ZDHHC14: variants seen among roughly 807,000 people sequenced by gnomAD.
The protein encoded by ZDHHC14 is zDHHC palmitoyltransferase 14, also known as palmitoyltransferase ZDHHC14.
In ZDHHC14, 16 loss-of-function variants were observed where a neutral mutation model predicts 47.7. That is an observed-to-expected ratio of 0.34 (90% CI 0.23 to 0.51). ZDHHC14 has a LOEUF of 0.51. Ranked by LOEUF, ZDHHC14 falls within the 20% of genes least tolerant of loss-of-function variation. The probability of loss-of-function intolerance (pLI) is 0.97; values close to 1 mark genes in which losing one functional copy is unlikely to be tolerated. For missense variants in ZDHHC14, 515 were observed against 662.5 expected (o/e 0.78, Z 2.44); for synonymous variants, 293 against 278.9 (o/e 1.05, Z -0.50).
At position 157,636,557 on chromosome 6, in the gene ZDHHC14, G is replaced by C. The variant is rs959026921; in HGVS notation, c.752+3675G>C. ...TTGGTCTTGTGGCACCTACATTATG[G>C]ACCCGAGGTCCTGCTGGGCTCCTGC... On this transcript the variant is annotated intron_variant, in intron 5 of 8. Transcript: ENST00000359775. 2.6e-5 allele frequency among the ~76,000 whole-genome samples: 4 copies of C among 152,064 alleles called. No homozygotes were observed. The East Asian group carries it at 7.8e-4, about 29-fold the overall frequency.
intron 8 of ZDHHC14, among the ~76,000 whole-genome samples, chr6:157,661,569 C>T (rs918686999): frequency 1.4e-4 from 22 of 152,206 alleles, no homozygotes; most frequent in African/African-American, 3.9e-4. Context: ...TTGCAAATAG[C>T]TTATGCAGTG....
At chr6:157,485,612 C>A (rs991522146) in intron 1 of ZDHHC14, among the ~76,000 whole-genome samples, 3 of 151,766 alleles carry the variant, frequency 2.0e-5, no homozygotes, top group African/African-American at 4.8e-5. Flanking sequence ...GTGACTGACT[C>A]TTAAAAGGCT....
At chr6:157,550,447 G>A (rs554813966) in intron 2 of ZDHHC14, among the ~76,000 whole-genome samples, 4 of 137,726 alleles carry the variant, frequency 2.9e-5, no homozygotes, top group East Asian at 3.9e-4. Context: ...GCTCTAGAGA[G>A]ACCACGGCAT....
intron 2 of ZDHHC14, among the ~76,000 whole-genome samples, chr6:157,548,645 T>C (rs1782087879): frequency 6.6e-6 from 1 of 152,178 alleles, no homozygotes; most frequent in Admixed American, 6.5e-5. Flanking sequence ...GGGGTTTCTC[T>C]GTGTTGGTCA....
intron 1 of ZDHHC14, among the ~76,000 whole-genome samples, chr6:157,477,237 G>C (rs1779510639): frequency 6.6e-6 from 1 of 152,186 alleles, no homozygotes; most frequent in Non-Finnish European, 1.5e-5. Context: ...AAAATTAGCT[G>C]GGCGTGGTGG....
chr6:157,405,041 C>T (rs1278372678), intron 1 of ZDHHC14, among the ~76,000 whole-genome samples: 1 of 152,136 alleles, frequency 6.6e-6, no homozygotes, highest in Non-Finnish European at 1.5e-5. Flanking sequence ...TGGATTTCAA[C>T]CTCAGTGGGT....
chr6:157,382,171 C>T lies in ZDHHC14; in HGVS notation c.150C>T (p.Phe50=), dbSNP rs527404653. The T allele has an allele frequency of 8.1e-6, 13 of 1,613,900 alleles. No homozygotes were observed. In the African/African-American group the frequency reaches 1.5e-4, roughly 18 times the overall value. Residue 50 remains phenylalanine (F), a synonymous_variant, in exon 1 of 9, where the codon TTC becomes TTT. Coordinates refer to ENST00000359775, the MANE Select transcript of ZDHHC14 (RefSeq NM_024630.3). ...WEVFPGRNKF[F]CNGRIMMARQ... ...TGTTCCCGGGAAGAAACAAGTTCTTCTGTAACGGGAGGATCATGATGGCCC... is the reference window on the plus strand; with the variant it reads ...TGTTCCCGGGAAGAAACAAGTTCTTTTGTAACGGGAGGATCATGATGGCCC...
chr6:157,565,839 C>T (rs368086211), intron 2 of ZDHHC14, among the ~76,000 whole-genome samples: 39 of 152,054 alleles, frequency 2.6e-4, no homozygotes, highest in Middle Eastern at 6.8e-3. Context: ...CAGAGAAACC[C>T]CTGTCCAGAA....
chr6:157,659,367 C>T (rs113350674), intron 8 of ZDHHC14, among the ~76,000 whole-genome samples: 3 of 152,216 alleles, frequency 2.0e-5, no homozygotes, highest in African/African-American at 4.8e-5. Flanking sequence ...CTCCGGGCCC[C>T]GCACTGTTGC....
intron 2 of ZDHHC14, among the ~76,000 whole-genome samples, chr6:157,546,634 T>A (rs1196178239): frequency 6.6e-6 from 1 of 151,982 alleles, no homozygotes; most frequent in Non-Finnish European, 1.5e-5. Context: ...GAAGCTGGGG[T>A]CACTGGAGGC....
At chr6:157,433,226 A>G (rs1778373516) in intron 1 of ZDHHC14, among the ~76,000 whole-genome samples, 2 of 152,242 alleles carry the variant, frequency 1.3e-5, no homozygotes, top group South Asian at 4.1e-4. Flanking sequence ...AAGAATTTAT[A>G]ATTGAATTAA....
chr6:157,504,449 ATTTTTTTTTT>A (rs35677570), intron 1 of ZDHHC14, among the ~76,000 whole-genome samples: 1 of 96,498 alleles, frequency 1.0e-5, no homozygotes, highest in Non-Finnish European at 2.0e-5. Flanking sequence ...CACCCAGCCT[ATTTTTTTTTT>A]TTTTTTTTTT....
At chr6:157,591,420 G>A (rs1355988503) in intron 2 of ZDHHC14, among the ~76,000 whole-genome samples, 1 of 152,194 alleles carries the variant, frequency 6.6e-6, no homozygotes, top group South Asian at 2.1e-4. Context: ...GTGATCTCCC[G>A]AGATCTGATT....
chr6:157,633,003 G>A, intron 5 of ZDHHC14, 121 bp downstream of exon 5: 2 of 1,038,232 alleles, frequency 1.9e-6, no homozygotes, highest in Non-Finnish European at 3.0e-6. Context: ...TTATTCCAAA[G>A]AACTCCCTCA....
chr6:157,641,006 G>T (rs968626792), intron 5 of ZDHHC14, among the ~76,000 whole-genome samples: 2 of 152,122 alleles, frequency 1.3e-5, no homozygotes, highest in African/African-American at 4.8e-5. Context: ...ACCTAAAAAG[G>T]ACTCTTTTTT....
chr6:157,563,636 G>A (rs922109467), intron 2 of ZDHHC14, among the ~76,000 whole-genome samples: 1 of 152,144 alleles, frequency 6.6e-6, no homozygotes, highest in Non-Finnish European at 1.5e-5. Context: ...AAAAAGATTG[G>A]AGTGTGTCCC....
At chr6:157,515,620 C>G (rs368458197) in intron 1 of ZDHHC14, among the ~76,000 whole-genome samples, 1 of 151,976 alleles carries the variant, frequency 6.6e-6, no homozygotes, top group Non-Finnish European at 1.5e-5. Context: ...CCCGCCACCA[C>G]GCCCGGCTAA....
Position 157,508,433 on chromosome 6 carries a change from C to A in ZDHHC14, c.246-34152C>A, listed in dbSNP as rs527377631. On this transcript the variant is annotated intron_variant, in intron 1 of 8. Transcript: ENST00000359775. ...CCAGGTTGGAGTGCAGTGGTGCAAT[C>A]ATGGCTTGTTGCTGCCTCAACCTCC... is the stretch of plus-strand genomic sequence containing the variant. Among the ~76,000 whole-genome samples the A allele has an allele frequency of 3.3e-5, 5 of 152,324 alleles. No homozygotes were observed. In the East Asian group the frequency reaches 9.6e-4, roughly 29 times the overall value.
At chr6:157,612,704 C>A (rs1162776908) in intron 3 of ZDHHC14, among the ~76,000 whole-genome samples, 3 of 152,194 alleles carry the variant, frequency 2.0e-5, no homozygotes, top group African/African-American at 7.2e-5. Flanking sequence ...GTATTCCCAG[C>A]AGCCAACTCC....
Sources: gnomAD v4.1 joint callset for allele counts (sites outside exome capture counted in the v4.1 genomes callset) on GRCh38, gnomAD v4.1.1 for gene constraint, MANE v1.5 for transcripts, NCBI Gene and HGNC (gene_info 2026-07-23, HGNC 2026-07-21) for gene names.